Variants in TLK2 observed in about 807,000 individuals in gnomAD.
TLK2 encodes the protein tousled like kinase 2.
In TLK2, 6 loss-of-function variants were observed where a neutral mutation model predicts 117.3. The observed-to-expected ratio is 0.05, with a 90% confidence interval of 0.03 to 0.10. TLK2 has a LOEUF of 0.10. Ranked by LOEUF, TLK2 falls within the 10% of genes least tolerant of loss-of-function variation. TLK2 has a pLI of 1.00. For missense variants in TLK2, 299 were observed against 901.2 expected, an observed-to-expected ratio of 0.33 and a Z score of 8.56; for synonymous variants, 257 against 316.7, an observed-to-expected ratio of 0.81 and a Z score of 2.00.
intron 11 of TLK2, among the ~76,000 whole-genome samples, chr17:62,565,429 T>G (rs898469585): frequency 3.4e-5 from 5 of 147,984 alleles, no homozygotes; most frequent in Non-Finnish European, 7.5e-5. Context: ...CCGAGGCGGG[T>G]GGATCATGAG....
intron 6 of TLK2, among the ~76,000 whole-genome samples, chr17:62,529,420 G>T (rs1228308075): frequency 6.6e-6 from 1 of 152,000 alleles, no homozygotes; most frequent in African/African-American, 2.4e-5. Flanking sequence ...TGTATTTTTA[G>T]TTGGGTTTTC....
chr17:62,487,620 CT>C (rs71155932), intron 2 of TLK2, among the ~76,000 whole-genome samples: 9 of 104,318 alleles, frequency 8.6e-5, no homozygotes, highest in Middle Eastern at 8.5e-3. Context: ...TGGCAAGTAT[CT>C]TTTTTTTTTT....
intron 16 of TLK2, among the ~76,000 whole-genome samples, chr17:62,593,220 C>T (rs1270714587): frequency 1.3e-5 from 2 of 152,042 alleles, no homozygotes; most frequent in African/African-American, 2.4e-5. Context: ...AATGGTACAC[C>T]CGTACCATTA....
At chr17:62,607,965 T>G in intron 20 of TLK2, 76 bp from the exon 21 acceptor site, 1 of 1,232,888 alleles carries the variant, frequency 8.1e-7, no homozygotes, top group Non-Finnish European at 1.2e-6. Context: ...ATCCTTTTCC[T>G]TCCCTGGGGT....
At chr17:62,537,965 G>A (rs2077226053) in intron 7 of TLK2, among the ~76,000 whole-genome samples, 1 of 150,250 alleles carries the variant, frequency 6.7e-6, no homozygotes, top group African/African-American at 2.4e-5. Flanking sequence ...TCTAAAGAAT[G>A]TATGTGTGTC....
chr17:62,609,072 G>A (rs1252797060), intron 21 of TLK2, among the ~76,000 whole-genome samples: 1 of 152,160 alleles, frequency 6.6e-6, no homozygotes, highest in Non-Finnish European at 1.5e-5. Context: ...AAAGTGAGCA[G>A]TTATAAGTCT....
chr17:62,487,772 C>T (rs1170147895), intron 2 of TLK2, among the ~76,000 whole-genome samples: 9 of 150,634 alleles, frequency 6.0e-5, no homozygotes, highest in South Asian at 2.1e-4. Flanking sequence ...TACAGGCATG[C>T]GCCAACACGC....
chr17:62,594,884 G>A (rs548962756), intron 16 of TLK2, among the ~76,000 whole-genome samples: 1 of 152,222 alleles, frequency 6.6e-6, no homozygotes, highest in Admixed American at 6.5e-5. Flanking sequence ...GATGTGGGAG[G>A]AAAGCAGAAT....
chr17:62,597,083 AGATACATGCAAC>A (rs1177430083), intron 17 of TLK2: 2 of 156,676 alleles, frequency 1.3e-5, no homozygotes, highest in African/African-American at 4.8e-5. Context: ...GCATATTCAT[AGATACATGCAAC>A]CACCAGAGGC....
intron 2 of TLK2, among the ~76,000 whole-genome samples, chr17:62,488,871 G>GC (rs929590219): frequency 1.3e-4 from 19 of 144,206 alleles, no homozygotes; most frequent in African/African-American, 3.6e-4. Flanking sequence ...TGTCACCCAG[G>GC]CTGGAGTGAA....
intron 2 of TLK2, among the ~76,000 whole-genome samples, chr17:62,504,323 C>G (rs547595455): frequency 1.4e-4 from 22 of 152,276 alleles, no homozygotes; most frequent in Non-Finnish European, 2.4e-4. Flanking sequence ...GGTTTTTACT[C>G]TTGAAATCCA....
In TLK2 at chr17:62,516,604, C is replaced by T. The variant is rs898162432; in HGVS notation, c.82-4169C>T. 38 of 1,610,048 alleles carry T rather than the reference C, an allele frequency of 2.4e-5. No individual in the cohort carries two copies. In the African/African-American group the frequency reaches 2.4e-4, roughly 10 times the overall value. ...GGCAAAGTGTTCTTTCACGTAGCCTCGGCACTTGAGAGACTGCATGGCCTT... is the reference window on the plus strand; with the variant it reads ...GGCAAAGTGTTCTTTCACGTAGCCTTGGCACTTGAGAGACTGCATGGCCTT... On this transcript the variant is annotated intron_variant, in intron 2 of 21. Transcript: ENST00000346027.
At chr17:62,579,122 G>A (rs1256977540) in intron 14 of TLK2, among the ~76,000 whole-genome samples, 5 of 152,084 alleles carry the variant, frequency 3.3e-5, no homozygotes, top group African/African-American at 7.2e-5. Flanking sequence ...CATATTTTTT[G>A]GACCCTGAAA....
At chr17:62,593,730 C>T (rs148585167) in intron 16 of TLK2, among the ~76,000 whole-genome samples, 13 of 151,676 alleles carry the variant, frequency 8.6e-5, no homozygotes, top group African/African-American at 2.4e-4. Context: ...CCGAAGGACC[C>T]GCCTGAGGCT....
chr17:62,580,968 A>G (rs1040940276), intron 15 of TLK2, among the ~76,000 whole-genome samples: 17 of 152,136 alleles, frequency 1.1e-4, no homozygotes, highest in African/African-American at 4.1e-4. Flanking sequence ...CGGTAAAACT[A>G]TTTCTACTGT....
chr17:62,480,960 G>A (rs1301757398), intron 1 of TLK2, among the ~76,000 whole-genome samples, 161 bp from the exon 2 acceptor site: 1 of 152,194 alleles, frequency 6.6e-6, no homozygotes, highest in Non-Finnish European at 1.5e-5. Flanking sequence ...ATTACTGTTT[G>A]ATGCAGCACA....
At chr17:62,484,302 T>TC (rs2072062775) in intron 2 of TLK2, among the ~76,000 whole-genome samples, 2 of 151,912 alleles carry the variant, frequency 1.3e-5, no homozygotes, top group Admixed American at 6.6e-5. Flanking sequence ...TCGTATGACT[T>TC]CTTTTTTTTT....
Position 62,614,572 on chromosome 17 carries a change from G to A in TLK2, c.*2007G>A, listed in dbSNP as rs1046508596. The stretch of plus-strand genomic sequence containing the variant: ...TGCCTCAGTCTCCTCAGTATCAGGC[G>A]ATCTTAAGGGAAGATGGAGTGTTTC... On this transcript the variant is annotated 3_prime_UTR_variant, in exon 22 of 22. Coordinates refer to ENST00000346027, the MANE Select transcript of TLK2 (RefSeq NM_006852.6). 2.6e-5 allele frequency: 4 copies of A among 152,116 alleles called. No homozygotes were observed. Among genetic ancestry groups the A allele is most frequent in the African/African-American group, 4.8e-5 (2 of 41,400 alleles). The allele number at this position is 152,116 out of a possible 1,614,324, so 9.4% of individuals were successfully genotyped here.
At chr17:62,495,673 A>ATATG (rs1567789651) in intron 2 of TLK2, among the ~76,000 whole-genome samples, 1 of 143,042 alleles carries the variant, frequency 7.0e-6, no homozygotes, top group Admixed American at 7.0e-5. Flanking sequence ...ATATATATAT[A>ATATG]TTGGAGACGG....
Sources: gnomAD v4.1 joint callset for allele counts (sites outside exome capture counted in the v4.1 genomes callset) on GRCh38, gnomAD v4.1.1 for gene constraint, MANE v1.5 for transcripts, NCBI Gene and HGNC (gene_info 2026-07-23, HGNC 2026-07-21) for gene names.